Variants in DLG2 observed in about 807,000 individuals in gnomAD.
DLG2 encodes disks large homolog 2.
Under a neutral mutation model 132.5 loss-of-function variants are expected in DLG2, and 45 were observed. The ratio of observed to expected loss-of-function variants is 0.34; its 90% CI spans 0.27 to 0.44. The LOEUF (loss-of-function observed/expected upper bound fraction) is 0.44, where lower values mean the gene tolerates loss of function less well. Among genes scored for constraint, DLG2 ranks in the 20% least tolerant of loss-of-function variants. DLG2 has a pLI of 1.00. For synonymous variants in DLG2, 424 were observed against 419.6 expected, an observed-to-expected ratio of 1.01 and a Z score of -0.13; for missense variants, 1,045 against 1,196.9, an observed-to-expected ratio of 0.87 and a Z score of 1.87.
At chr11:84,759,588 T>C (rs542969241) in intron 6 of DLG2, among the ~76,000 whole-genome samples, 1 of 152,300 alleles carries the variant, frequency 6.6e-6, no homozygotes, top group African/African-American at 2.4e-5. Flanking sequence ...CAAAAACAAA[T>C]GTTTTGAATG....
chr11:85,184,199 T>C (rs1441565342), intron 4 of DLG2, among the ~76,000 whole-genome samples: 1 of 151,868 alleles, frequency 6.6e-6, no homozygotes, highest in Non-Finnish European at 1.5e-5. Flanking sequence ...GAGATGTAAT[T>C]AGTCAATATG....
chr11:83,943,567 T>C (rs1358412459), intron 14 of DLG2, among the ~76,000 whole-genome samples: 1 of 152,238 alleles, frequency 6.6e-6, no homozygotes, highest in Non-Finnish European at 1.5e-5. Flanking sequence ...TATTTAAATT[T>C]GTCAATCTCA....
chr11:84,892,245 G>C (rs1024334094), intron 6 of DLG2, among the ~76,000 whole-genome samples: 1 of 152,138 alleles, frequency 6.6e-6, no homozygotes, highest in Non-Finnish European at 1.5e-5. Context: ...AGATAATTGA[G>C]TCATATTGGG....
chr11:84,056,473 A>T (rs1001758550), intron 11 of DLG2, among the ~76,000 whole-genome samples: 10 of 152,104 alleles, frequency 6.6e-5, no homozygotes, highest in Non-Finnish European at 1.5e-4. Flanking sequence ...TTTCTGTTGC[A>T]TTAAAGGTAG....
intron 11 of DLG2, among the ~76,000 whole-genome samples, chr11:83,990,993 A>T (rs1429107739): frequency 6.6e-6 from 1 of 152,106 alleles, no homozygotes; most frequent in Non-Finnish European, 1.5e-5. Flanking sequence ...AAAACAACAA[A>T]AAAACCCTTC....
chr11:84,007,425 T>A (rs1279529481), intron 11 of DLG2, among the ~76,000 whole-genome samples: 1 of 151,872 alleles, frequency 6.6e-6, no homozygotes, highest in Non-Finnish European at 1.5e-5. Context: ...CAACTAAATA[T>A]CTTTTATATC....
intron 6 of DLG2, among the ~76,000 whole-genome samples, chr11:84,658,536 T>G (rs1232000477): frequency 6.6e-6 from 1 of 152,108 alleles, no homozygotes; most frequent in African/African-American, 2.4e-5. Flanking sequence ...TGATCCCCAA[T>G]GCTAAAGGTA....
intron 7 of DLG2, among the ~76,000 whole-genome samples, chr11:84,290,047 C>T (rs911749881): frequency 8.5e-5 from 13 of 152,100 alleles, no homozygotes; most frequent in African/African-American, 3.1e-4. Context: ...AGCCTCTAGC[C>T]TATTATAAAG....
intron 6 of DLG2, among the ~76,000 whole-genome samples, chr11:85,063,232 C>T (rs2064369802): frequency 6.6e-6 from 1 of 151,686 alleles, no homozygotes; most frequent in Non-Finnish European, 1.5e-5. Flanking sequence ...CCAATGATCC[C>T]CATAGGATCA....
intron 7 of DLG2, among the ~76,000 whole-genome samples, chr11:84,325,112 G>A (rs1379957899): frequency 6.6e-6 from 1 of 151,954 alleles, no homozygotes; most frequent in Non-Finnish European, 1.5e-5. Context: ...AAAGCTTTCA[G>A]TTTTTCACCA....
At chr11:84,746,443 TAA>T (rs35862778) in intron 6 of DLG2, among the ~76,000 whole-genome samples, 4,602 of 145,032 alleles carry the variant, frequency 0.032, 256 homozygotes, top group African/African-American at 0.11. Context: ...TAGACTTGAT[TAA>T]AAAAAAAAAA....
chr11:85,247,754 C>G lies in DLG2; in HGVS notation c.186+37466G>C, dbSNP rs193039721. 3.7e-4 allele frequency among the ~76,000 whole-genome samples: 56 copies of G among 152,120 alleles called. 2 individuals carry two copies. The highest frequency in any genetic ancestry group is 1.1e-3 in the African/African-American group (46 of 41,530). On this transcript the variant is annotated intron_variant, in intron 4 of 27. Transcript: ENST00000376104. ...CTGACTTCAACAAAGAGACTGAAGGCTTAGCTTGCTATCCTGAGCATGAGC... is the reference window on the plus strand; with the variant it reads ...CTGACTTCAACAAAGAGACTGAAGGGTTAGCTTGCTATCCTGAGCATGAGC...
chr11:85,045,216 G>C lies in DLG2; in HGVS notation c.357+66445C>G, dbSNP rs563339113. Reference sequence around the variant, plus strand: ...TGGTTGCAATTGAGAAAAGGGGAGGGTGGAGAGGTAGTCTGCCTATGTCCA... The same window carrying C: ...TGGTTGCAATTGAGAAAAGGGGAGGCTGGAGAGGTAGTCTGCCTATGTCCA... On this transcript the variant is annotated intron_variant, in intron 6 of 27. Coordinates refer to ENST00000376104, the MANE Select transcript of DLG2 (RefSeq NM_001142699.3). Among the ~76,000 whole-genome samples the C allele has an allele frequency of 3.2e-4, 49 of 152,150 alleles. 2 individuals are homozygous for C. The highest frequency in any genetic ancestry group is 1.2e-3 in the African/African-American group (48 of 41,548).
chr11:84,543,326 T>C (rs2154522582), intron 6 of DLG2, among the ~76,000 whole-genome samples: 1 of 152,188 alleles, frequency 6.6e-6, no homozygotes, highest in South Asian at 2.1e-4. Flanking sequence ...AATTTTCCCC[T>C]TCACTTCCTC....
At chr11:84,157,337 G>C (rs917018422) in intron 9 of DLG2, among the ~76,000 whole-genome samples, 1 of 152,146 alleles carries the variant, frequency 6.6e-6, no homozygotes, top group African/African-American at 2.4e-5. Context: ...TATAATACTT[G>C]TGAATTTTTA....
intron 3 of DLG2, among the ~76,000 whole-genome samples, chr11:85,353,804 C>T (rs868100836): frequency 8.5e-5 from 13 of 152,060 alleles, no homozygotes; most frequent in Middle Eastern, 3.4e-3. Context: ...CACTTGGACA[C>T]AGAGTGGGAA....
chr11:85,193,378 A>G (rs1417003633), intron 4 of DLG2, among the ~76,000 whole-genome samples: 1 of 152,254 alleles, frequency 6.6e-6, no homozygotes, highest in South Asian at 2.1e-4. Context: ...ATGAACATTC[A>G]TATATAAGTT....
At chr11:84,666,381 G>A (rs576409235) in intron 6 of DLG2, among the ~76,000 whole-genome samples, 14 of 152,094 alleles carry the variant, frequency 9.2e-5, no homozygotes, top group Admixed American at 2.6e-4. Flanking sequence ...CTGGAACTGA[G>A]ACATTGATTC....
chr11:85,623,400 G>A (rs1278523464), intron 2 of DLG2, among the ~76,000 whole-genome samples: 2 of 152,064 alleles, frequency 1.3e-5, no homozygotes, highest in African/African-American at 4.8e-5. Flanking sequence ...CACCTCCTGG[G>A]TTCAAGCAAT....
Sources: gnomAD v4.1 joint callset for allele counts (sites outside exome capture counted in the v4.1 genomes callset) on GRCh38, gnomAD v4.1.1 for gene constraint, MANE v1.5 for transcripts, NCBI Gene and HGNC (gene_info 2026-07-23, HGNC 2026-07-21) for gene names.